ULK4: variants seen among roughly 807,000 people sequenced by gnomAD.
ULK4 encodes the protein unc-51 like kinase 4.
In ULK4, 133 loss-of-function variants were observed where a neutral mutation model predicts 160.6. That is an observed-to-expected ratio of 0.83 (90% CI 0.72 to 0.96). The LOEUF is 0.96. ULK4 is among the 40% of genes least tolerant of loss of function. ULK4 has a pLI of 0.00. For missense variants in ULK4, 1,580 were observed against 1,499.5 expected, an observed-to-expected ratio of 1.05 and a Z score of -0.89; for synonymous variants, 534 against 539.8, an observed-to-expected ratio of 0.99 and a Z score of 0.15.
intron 31 of ULK4, among the ~76,000 whole-genome samples, chr3:41,574,560 G>C (rs78171641): frequency 6.7e-4 from 16 of 23,900 alleles, no homozygotes; most frequent in Non-Finnish European, 1.1e-3. Flanking sequence ...TTTTTTTTTT[G>C]AGACAGAGTC....
chr3:41,920,845 G>A (rs536649670), intron 5 of ULK4, among the ~76,000 whole-genome samples: 8 of 152,230 alleles, frequency 5.3e-5, no homozygotes, highest in African/African-American at 1.4e-4. Context: ...TGTACACATC[G>A]ATGGAAGGTA....
At chr3:41,346,877 T>C (rs949502063) in intron 35 of ULK4, among the ~76,000 whole-genome samples, 6 of 152,174 alleles carry the variant, frequency 3.9e-5, no homozygotes, top group African/African-American at 1.4e-4. Flanking sequence ...AGAGTATGAG[T>C]CAGTCATTTG....
At chr3:41,463,360 C>T in intron 32 of ULK4, 107 bp from the exon 33 acceptor site, 1 of 1,111,776 alleles carries the variant, frequency 9.0e-7, no homozygotes, top group Admixed American at 2.5e-5. Context: ...AAACCCTAAG[C>T]AATACTTAAA....
At chr3:41,630,230 G>C (rs1413213530) in intron 30 of ULK4, among the ~76,000 whole-genome samples, 12 of 152,202 alleles carry the variant, frequency 7.9e-5, no homozygotes, top group Admixed American at 6.5e-5. Context: ...ATACCACAAA[G>C]CTGGAATCAT....
intron 2 of ULK4, among the ~76,000 whole-genome samples, chr3:41,943,768 C>T (rs1700033982): frequency 6.6e-6 from 1 of 152,106 alleles, no homozygotes; most frequent in East Asian, 1.9e-4. Flanking sequence ...CTTCCAAAAG[C>T]CAAAACCTCC....
At chr3:41,904,453 G>A (rs1483673118) in intron 12 of ULK4, among the ~76,000 whole-genome samples, 7 of 151,506 alleles carry the variant, frequency 4.6e-5, no homozygotes, top group Middle Eastern at 3.4e-3. Flanking sequence ...TAAATAAATA[G>A]ATAGATAGAT....
intron 32 of ULK4, among the ~76,000 whole-genome samples, chr3:41,488,994 C>G (rs1240626675): frequency 6.6e-6 from 1 of 152,106 alleles, no homozygotes; most frequent in Non-Finnish European, 1.5e-5. Flanking sequence ...GTGAGCACCC[C>G]TCCCACTGAG....
intron 2 of ULK4, among the ~76,000 whole-genome samples, chr3:41,939,163 C>CTT (rs3044215): frequency 0.12 from 17,479 of 145,994 alleles, 1,197 homozygotes; most frequent in Middle Eastern, 0.26. Context: ...AATGATTACC[C>CTT]TTTTTTTTTT....
intron 31 of ULK4, among the ~76,000 whole-genome samples, chr3:41,613,014 G>A (rs2125679299): frequency 6.6e-6 from 1 of 152,300 alleles, no homozygotes; most frequent in East Asian, 1.9e-4. Context: ...ATCAAATGAT[G>A]TTTCGCTATT....
chr3:41,300,898 C>CA (rs1181515731), intron 35 of ULK4, among the ~76,000 whole-genome samples: 3 of 109,828 alleles, frequency 2.7e-5, no homozygotes, highest in African/African-American at 1.0e-4. Context: ...TGGTATCTTG[C>CA]TGGTCTAGAA....
intron 31 of ULK4, among the ~76,000 whole-genome samples, chr3:41,580,375 TA>T (rs1036164434): frequency 1.3e-5 from 2 of 150,094 alleles, no homozygotes; most frequent in Admixed American, 6.6e-5. Flanking sequence ...ACCAATTATT[TA>T]TTTTTTTTTT....
intron 35 of ULK4, among the ~76,000 whole-genome samples, chr3:41,389,008 CATGGA>C (rs1183958368): frequency 1.3e-5 from 2 of 151,928 alleles, no homozygotes; most frequent in African/African-American, 4.8e-5. Flanking sequence ...TACCCATGAG[CATGGA>C]ATGTTCTTCC....
intron 34 of ULK4, among the ~76,000 whole-genome samples, chr3:41,445,522 A>G (rs1046765995): frequency 6.4e-4 from 97 of 152,224 alleles, no homozygotes; most frequent in African/African-American, 2.3e-3. Context: ...GTACCAAAAC[A>G]GAGATATAGA....
Position 41,449,571 on chromosome 3 carries a change from A to G in ULK4, c.3492+5926T>C, listed in dbSNP as rs139036910. Among the ~76,000 whole-genome samples the G allele has an allele frequency of 1.7e-3, 264 of 152,224 alleles. 1 individual carries two copies. The highest frequency in any genetic ancestry group is 0.017 in the Middle Eastern group (5 of 294). Reference sequence around the variant, plus strand: ...ACTACTACCCCTGGGCTCCATCACCATAAACCATAATCACCATAAAGCATT... The same window carrying G: ...ACTACTACCCCTGGGCTCCATCACCGTAAACCATAATCACCATAAAGCATT... On this transcript the variant is annotated intron_variant, in intron 34 of 36. Coordinates refer to ENST00000301831, the MANE Select transcript of ULK4 (RefSeq NM_017886.4).
At chr3:41,434,303 C>G (rs1249229416) in intron 34 of ULK4, among the ~76,000 whole-genome samples, 3 of 152,084 alleles carry the variant, frequency 2.0e-5, no homozygotes, top group African/African-American at 7.2e-5. Flanking sequence ...ATAAGGAATA[C>G]TCAAAGTGTA....
intron 30 of ULK4, among the ~76,000 whole-genome samples, chr3:41,617,399 T>C (rs1383855693): frequency 6.6e-6 from 1 of 152,198 alleles, no homozygotes; most frequent in Non-Finnish European, 1.5e-5. Flanking sequence ...GGTGCCCCTC[T>C]GGGACAAAGC....
intron 32 of ULK4, among the ~76,000 whole-genome samples, chr3:41,489,834 T>A (rs1016849276): frequency 6.6e-6 from 1 of 152,220 alleles, no homozygotes; most frequent in Non-Finnish European, 1.5e-5. Context: ...TTAAACATCA[T>A]AAAGCCTAAA....
At chr3:41,837,565 CT>C (rs57798450) in intron 17 of ULK4, among the ~76,000 whole-genome samples, 34,113 of 145,292 alleles carry the variant, frequency 0.23, 4,834 homozygotes, top group African/African-American at 0.41. Flanking sequence ...ATATCAATAA[CT>C]TTTTTTTTTT....
chr3:41,479,149 T>C (rs73073167), intron 32 of ULK4, among the ~76,000 whole-genome samples: 1,786 of 152,324 alleles, frequency 0.012, 19 homozygotes, highest in Non-Finnish European at 0.02. Flanking sequence ...TTTTGCAAGC[T>C]GGGCAATGAA....
Sources: gnomAD v4.1 joint callset for allele counts (sites outside exome capture counted in the v4.1 genomes callset) on GRCh38, gnomAD v4.1.1 for gene constraint, MANE v1.5 for transcripts, NCBI Gene and HGNC (gene_info 2026-07-23, HGNC 2026-07-21) for gene names.